The following ATP12A variants were observed in gnomAD, a reference collection of about 807,000 sequenced individuals.
ATP12A encodes potassium-transporting ATPase alpha chain 2.
In ATP12A, 81 loss-of-function variants were observed where a neutral mutation model predicts 111.2. That is an observed-to-expected ratio of 0.73 (90% CI 0.61 to 0.88). The LOEUF is 0.88. Among genes scored for constraint, ATP12A ranks in the 40% least tolerant of loss-of-function variants. The probability of loss-of-function intolerance (pLI) is 0.00; values close to 1 mark genes in which losing one functional copy is unlikely to be tolerated. For synonymous variants in ATP12A, 498 were observed against 499.8 expected, an observed-to-expected ratio of 1.00 and a Z score of 0.05; for missense variants, 1,196 against 1,313.1, an observed-to-expected ratio of 0.91 and a Z score of 1.38.
Position 24,691,091 on chromosome 13 carries a change from C to A in ATP12A, c.909C>A (p.Ile303=). The change falls in exon 8 of 23, where the codon ATC becomes ATA. Residue 303 remains isoleucine (I), a synonymous_variant. Transcript: ENST00000381946. ...GNEKTPIAIE[I]EHFVHIVAGV... is the part of the protein sequence containing the mutation. ...AGAAGACGCCCATTGCCATTGAGATCGAGCACTTTGTTCACATTGTGGCAG... is the reference window on the plus strand; with the variant it reads ...AGAAGACGCCCATTGCCATTGAGATAGAGCACTTTGTTCACATTGTGGCAG... 1.2e-6 allele frequency: 2 copies of A among 1,614,252 alleles called. No individual in the cohort carries two copies. The highest frequency in any genetic ancestry group is 1.7e-6 in the Non-Finnish European group (2 of 1,180,054).
rs781638957 is a variant in ATP12A at position 24,692,780 on chromosome 13, C to G, written c.1268-7C>G. 2.5e-6 allele frequency: 4 copies of G among 1,613,556 alleles called. No individual in the cohort carries two copies. In the Admixed American group the frequency reaches 6.7e-5, roughly 27 times the overall value. On this transcript the variant is annotated splice_polypyrimidine_tract_variant and splice_region_variant and intron_variant, in intron 9 of 22. Coordinates refer to ENST00000381946, the MANE Select transcript of ATP12A (RefSeq NM_001676.7). Reference sequence around the variant, plus strand: ...ACAGCAGCCACTGTTCTTTCTCTGTCTTCCAGACCAAGTCTTTGACCAAAG... The same window carrying G: ...ACAGCAGCCACTGTTCTTTCTCTGTGTTCCAGACCAAGTCTTTGACCAAAG...
chr13:24,683,794 C>A (rs55840438), intron 2 of ATP12A, among the ~76,000 whole-genome samples: 18,816 of 152,124 alleles, frequency 0.12, 1,198 homozygotes, highest in Middle Eastern at 0.22. Flanking sequence ...GACGATAGAT[C>A]GTTCTTATTA....
chr13:24,690,507 G>A (rs773439055), intron 6 of ATP12A, 35 bp downstream of exon 6: 2 of 1,610,430 alleles, frequency 1.2e-6, no homozygotes, highest in South Asian at 1.1e-5. Flanking sequence ...CAAGGACCAT[G>A]TTCCAAACCT....
intron 14 of ATP12A, among the ~76,000 whole-genome samples, chr13:24,702,872 T>G (rs774003635): frequency 3.9e-5 from 6 of 152,188 alleles, no homozygotes; most frequent in Non-Finnish European, 8.8e-5. Context: ...GCCTGGACTG[T>G]GCCTGGTCTC....
In ATP12A at chr13:24,700,853, G is replaced by GA. The variant is rs747408583; in HGVS notation, c.1812_1813insA (p.Ser605IlefsTer30). On this transcript the variant is annotated frameshift_variant, in exon 13 of 23. Transcript: ENST00000381946. LOFTEE classifies it high-confidence loss of function. The stretch of plus-strand genomic sequence containing the variant: ...CCAACCTCTGTTTTGTGGGACTCTT[G>GA]TCAATGATCGATCCCCCTCGGTCCA... The GA allele has an allele frequency of 6.2e-7, 1 of 1,614,134 alleles. No individual in the cohort carries two copies. The highest frequency in any genetic ancestry group is 8.5e-7 in the Non-Finnish European group (1 of 1,180,028).
Position 24,700,790 on chromosome 13 carries a change from C to T in ATP12A, c.1749C>T (p.Thr583=). The T allele has an allele frequency of 1.2e-6, 2 of 1,614,052 alleles. No homozygotes were observed. The highest frequency in any genetic ancestry group is 1.7e-6 in the Non-Finnish European group (2 of 1,179,982). The change falls in exon 13 of 23, where the codon ACC becomes ACT. Residue 583 remains threonine, a synonymous_variant. Coordinates refer to ENST00000381946, the MANE Select transcript of ATP12A (RefSeq NM_001676.7). The stretch of plus-strand genomic sequence containing the variant: ...TGCCAGCAGACGAGTTTCCAGAAAC[C>T]TACTCATTTGACATAGACGCTATGA... ...LYLPADEFPE[T]YSFDIDAMNF...
In ATP12A at chr13:24,690,663, C is replaced by G; in HGVS notation, c.741C>G (p.Thr247=). Residue 247 remains threonine (T), a synonymous_variant, in exon 7 of 23, where the codon ACC becomes ACG. Transcript: ENST00000381946. The part of the protein sequence containing the change: ...SEPQPRSSEF[T]HENPLETKNI... Reference sequence around the variant, plus strand: ...CCCAGCCCCGCTCCTCTGAGTTTACCCATGAAAACCCCCTGGAAACAAAGA... The same window carrying G: ...CCCAGCCCCGCTCCTCTGAGTTTACGCATGAAAACCCCCTGGAAACAAAGA... 6.2e-7 allele frequency: 1 copy of G among 1,613,958 alleles called. No individual in the cohort carries two copies. Among genetic ancestry groups the G allele is most frequent in the Non-Finnish European group, 8.5e-7 (1 of 1,179,980 alleles).
At position 24,685,412 on chromosome 13, in the gene ATP12A, C is replaced by A; in HGVS notation, c.228+39C>A. ...ACCAGGGATTTGGAAGAGAAGCCTCCCAACTCTACAGAGGGAAGGCTGTGT... is the reference window on the plus strand; with the variant it reads ...ACCAGGGATTTGGAAGAGAAGCCTCACAACTCTACAGAGGGAAGGCTGTGT... On this transcript the variant is annotated intron_variant, in intron 3 of 22. Coordinates refer to ENST00000381946, the MANE Select transcript of ATP12A (RefSeq NM_001676.7). The surrounding 1 kb of genome is among the most constrained non-coding windows in gnomAD (Gnocchi z 5.5). 6.3e-7 allele frequency: 1 copy of A among 1,595,742 alleles called. No homozygotes were observed. The highest frequency in any genetic ancestry group is 1.3e-5 in the African/African-American group (1 of 74,596).
rs1468144250 is a variant in ATP12A at position 24,685,127 on chromosome 13, G to T, written c.169-187G>T. Among the ~76,000 whole-genome samples the T allele has an allele frequency of 6.6e-6, 1 of 152,206 alleles. No homozygotes were observed. The highest frequency in any genetic ancestry group is 1.9e-4 in the East Asian group (1 of 5,192). ...TGCCGACTCAGGGACAGTCACTCCT[G>T]AGGCAGTGCCATCCTTCGCTGGGCA... is the stretch of plus-strand genomic sequence containing the variant. On this transcript the variant is annotated intron_variant, in intron 2 of 22. Transcript: ENST00000381946. This position sits in a 1 kb window ranked among gnomAD's most constrained non-coding sequence, Gnocchi z 5.5.
intron 11 of ATP12A, among the ~76,000 whole-genome samples, 161 bp from the exon 12 acceptor site, chr13:24,698,497 G>A (rs1282474543): frequency 6.6e-6 from 1 of 152,162 alleles, no homozygotes; most frequent in Non-Finnish European, 1.5e-5. Context: ...CTGGGGCCAA[G>A]TCTAGAGCTC....
rs769843394 is a variant in ATP12A at position 24,700,776 on chromosome 13, G to C, written c.1735G>C (p.Glu579Gln). Residue 579 changes from glutamate (E) to glutamine (Q), a missense_variant, in exon 13 of 23, where the codon GAG (glutamate) becomes CAG (glutamine). Coordinates refer to ENST00000381946, the MANE Select transcript of ATP12A (RefSeq NM_001676.7). The stretch of plus-strand genomic sequence containing the variant: ...CTGTCATCTCTACCTGCCAGCAGAC[G>C]AGTTTCCAGAAACCTACTCATTTGA... ...GFCHLYLPAD[E>Q]FPETYSFDID... 2 of 1,613,712 alleles carry C rather than the reference G, an allele frequency of 1.2e-6. No homozygotes were observed. The highest frequency in any genetic ancestry group is 8.5e-7 in the Non-Finnish European group (1 of 1,179,932).
intron 17 of ATP12A, among the ~76,000 whole-genome samples, chr13:24,708,987 C>A (rs1055968608): frequency 7.1e-6 from 1 of 140,462 alleles, no homozygotes; most frequent in Admixed American, 7.0e-5. Flanking sequence ...GAAATGAATG[C>A]AAATTCTCTG....
Position 24,709,507 on chromosome 13 carries a change from T to C in ATP12A, c.2617+20T>C, listed in dbSNP as rs1318710536. 6.2e-7 allele frequency: 1 copy of C among 1,610,498 alleles called. No homozygotes were observed. Among genetic ancestry groups the C allele is most frequent in the Non-Finnish European group, 8.5e-7 (1 of 1,177,254 alleles). On this transcript the variant is annotated intron_variant, in intron 18 of 22. Transcript: ENST00000381946. Reference sequence around the variant, plus strand: ...ACATTGGTACGATGAGGGCGCGTCTTCCCCATCACACGAGGGCCTGCCCCG... The same window carrying C: ...ACATTGGTACGATGAGGGCGCGTCTCCCCCATCACACGAGGGCCTGCCCCG...
chr13:24,688,577 C>G (rs1359951651), intron 4 of ATP12A, 55 bp downstream of exon 4: 1 of 1,460,880 alleles, frequency 6.8e-7, no homozygotes, highest in Non-Finnish European at 9.1e-7. Flanking sequence ...TCCAGTGAGG[C>G]CTTGGGGGCA....
At position 24,707,173 on chromosome 13, in the gene ATP12A, G is replaced by A. The variant is rs779518377; in HGVS notation, c.2320G>A (p.Val774Ile). ...GCTGGACGACAACTTCGCATCCATC[G>A]TCACAGGGGTGGAGGAAGGTGAGTG... The part of the protein sequence containing the change: ...VLLDDNFASI[V>I]TGVEEGRLIF... The change falls in exon 16 of 23, where the codon GTC becomes ATC. Residue 774 changes from valine to isoleucine, a missense_variant. Transcript: ENST00000381946. 21 of 1,613,850 alleles carry A rather than the reference G, an allele frequency of 1.3e-5. No homozygotes were observed. In the East Asian group the frequency reaches 3.6e-4, roughly 27 times the overall value.
chr13:24,707,580 G>A, intron 17 of ATP12A, 147 bp downstream of exon 17: 1 of 1,103,368 alleles, frequency 9.1e-7, no homozygotes, highest in Non-Finnish European at 1.3e-6. Context: ...TTTCTCACAG[G>A]TTCTCAGGTG....
intron 2 of ATP12A, among the ~76,000 whole-genome samples, chr13:24,683,700 A>G (rs1441856432): frequency 1.3e-5 from 2 of 152,220 alleles, no homozygotes; most frequent in Non-Finnish European, 2.9e-5. Flanking sequence ...CTATTTTGAA[A>G]AACATAAGAT....
chr13:24,706,209 T>C, intron 14 of ATP12A, 104 bp from the exon 15 acceptor site: 1 of 1,462,620 alleles, frequency 6.8e-7, no homozygotes, highest in South Asian at 1.4e-5. Context: ...GGACACTGGG[T>C]TCCAGGTCAA....
intron 19 of ATP12A, 72 bp downstream of exon 19, chr13:24,709,900 T>C (rs1875888735): frequency 4.4e-6 from 7 of 1,582,848 alleles, no homozygotes; most frequent in Non-Finnish European, 3.4e-6. Context: ...CAGAATTACA[T>C]AGAACCTCCA....
Sources: gnomAD v4.1 joint callset for allele counts (sites outside exome capture counted in the v4.1 genomes callset) on GRCh38, gnomAD v4.1.1 for gene constraint, Gnocchi (gnomAD v3.1) non-coding constraint, MANE v1.5 for transcripts, NCBI Gene and HGNC (gene_info 2026-07-23, HGNC 2026-07-21) for gene names.